PDE11A: variants seen among roughly 807,000 people sequenced by gnomAD.
PDE11A encodes dual 3',5'-cyclic-AMP and -GMP phosphodiesterase 11A.
Under a neutral mutation model 100.5 loss-of-function variants are expected in PDE11A, and 100 were observed. The ratio of observed to expected loss-of-function variants is 1.00; its 90% CI spans 0.85 to 1.18. The LOEUF (loss-of-function observed/expected upper bound fraction) is 1.18. Among genes scored for constraint, PDE11A ranks in the 50% most tolerant of loss-of-function variants. The pLI, the probability that PDE11A is intolerant of heterozygous loss-of-function variation, is 0.00. For missense variants in PDE11A, 1,141 were observed against 1,152.6 expected (o/e 0.99, Z 0.15); for synonymous variants, 381 against 420.8 (o/e 0.91, Z 1.16).
intron 9 of PDE11A, among the ~76,000 whole-genome samples, chr2:177,795,372 A>G (rs2082691112): frequency 6.6e-6 from 1 of 152,208 alleles, no homozygotes; most frequent in African/African-American, 2.4e-5. Context: ...CTCTGGGCCC[A>G]ACACCTGAGC....
chr2:177,782,367 A>T (rs1464009436), intron 9 of PDE11A, among the ~76,000 whole-genome samples: 1 of 152,192 alleles, frequency 6.6e-6, no homozygotes, highest in Non-Finnish European at 1.5e-5. Context: ...AAAAGTGGTT[A>T]AAAAGCAATA....
chr2:177,927,844 C>T (rs1328599674), intron 2 of PDE11A, among the ~76,000 whole-genome samples: 1 of 152,080 alleles, frequency 6.6e-6, no homozygotes, highest in East Asian at 1.9e-4. Flanking sequence ...GTGGCTCATG[C>T]CTGTAATCCC....
intron 1 of PDE11A, among the ~76,000 whole-genome samples, chr2:178,052,207 A>T (rs1391622858): frequency 6.6e-6 from 1 of 152,296 alleles, no homozygotes; most frequent in East Asian, 1.9e-4. Context: ...GGATTAAGAA[A>T]CTCACTCAAA....
intron 9 of PDE11A, among the ~76,000 whole-genome samples, chr2:177,810,036 TG>T (rs1292792291): frequency 6.6e-6 from 1 of 152,134 alleles, no homozygotes; most frequent in African/African-American, 2.4e-5. Flanking sequence ...ATATATCCCA[TG>T]GAAGATGGTA....
intron 9 of PDE11A, among the ~76,000 whole-genome samples, chr2:177,802,440 A>T (rs1394040780): frequency 6.6e-6 from 1 of 152,100 alleles, no homozygotes; most frequent in Non-Finnish European, 1.5e-5. Context: ...ACAGCCCCAA[A>T]ATGGAAATAG....
intron 2 of PDE11A, among the ~76,000 whole-genome samples, chr2:177,993,373 T>TTTA (rs1553498357): frequency 1.3e-5 from 2 of 150,568 alleles, no homozygotes; most frequent in Non-Finnish European, 3.0e-5. Context: ...TTCTTCTTTT[T>TTTA]AAAAAAAAAA....
At chr2:177,824,308 T>G (rs2083193627) in intron 6 of PDE11A, among the ~76,000 whole-genome samples, 1 of 152,212 alleles carries the variant, frequency 6.6e-6, no homozygotes, top group South Asian at 2.1e-4. Context: ...TCCTCTGGGT[T>G]AATTGCATGG....
At chr2:177,709,134 A>G (rs567742714) in intron 13 of PDE11A, among the ~76,000 whole-genome samples, 10 of 152,332 alleles carry the variant, frequency 6.6e-5, no homozygotes, top group Admixed American at 3.3e-4. Flanking sequence ...GCACTGGGCC[A>G]GGGAAATGGG....
At chr2:177,764,384 A>G (rs2082211775) in intron 10 of PDE11A, among the ~76,000 whole-genome samples, 1 of 152,202 alleles carries the variant, frequency 6.6e-6, no homozygotes. Flanking sequence ...GCAGTGCTCA[A>G]TTGAAGGAAG....
intron 10 of PDE11A, among the ~76,000 whole-genome samples, chr2:177,737,815 G>A (rs1022834974): frequency 2.6e-5 from 4 of 152,202 alleles, no homozygotes; most frequent in African/African-American, 7.2e-5. Flanking sequence ...ACAAGGATAG[G>A]AATTACGTCT....
chr2:178,060,776 A>G (rs2086958553), intron 1 of PDE11A, among the ~76,000 whole-genome samples: 1 of 152,080 alleles, frequency 6.6e-6, no homozygotes, highest in Admixed American at 6.6e-5. Context: ...ATAATATATC[A>G]TAATTGATTC....
At chr2:177,968,741 T>C (rs957336394) in intron 2 of PDE11A, among the ~76,000 whole-genome samples, 3 of 152,180 alleles carry the variant, frequency 2.0e-5, no homozygotes, top group Non-Finnish European at 1.5e-5. Context: ...CCATTTAGAA[T>C]GGCAATTATT....
chr2:177,864,825 G>A (rs1574230299), intron 5 of PDE11A, among the ~76,000 whole-genome samples: 1 of 152,120 alleles, frequency 6.6e-6, no homozygotes, highest in East Asian at 1.9e-4. Context: ...GTACACACGA[G>A]GGATGCCATA....
intron 2 of PDE11A, among the ~76,000 whole-genome samples, chr2:178,088,486 A>T (rs938812232): frequency 3.3e-5 from 5 of 152,238 alleles, no homozygotes; most frequent in Non-Finnish European, 7.3e-5. Context: ...AAATTTTAAG[A>T]ATGCAGGATC....
At chr2:177,849,959 C>T (rs191975148) in intron 5 of PDE11A, among the ~76,000 whole-genome samples, 1 of 152,260 alleles carries the variant, frequency 6.6e-6, no homozygotes, top group East Asian at 1.9e-4. Context: ...GCCATACTGC[C>T]CAAGGTAATT....
chr2:177,719,404 G>A (rs1407775887), intron 12 of PDE11A, among the ~76,000 whole-genome samples: 2 of 152,146 alleles, frequency 1.3e-5, no homozygotes, highest in African/African-American at 2.4e-5. Context: ...GGATTCTGAT[G>A]TCCAGGCACT....
In PDE11A at chr2:178,046,741, A is replaced by G. The variant is rs560598530; in HGVS notation, c.912+24785T>C. Among the ~76,000 whole-genome samples, 5 of 152,294 alleles carry G rather than the reference A, an allele frequency of 3.3e-5. No homozygotes were observed. In the South Asian group the frequency reaches 6.2e-4, roughly 19 times the overall value. Reference sequence around the variant, plus strand: ...AGATTCTCTTTACTCTTCTCGGTCAATGTAACTATCCTGGGTCCAATTATT... The same window carrying G: ...AGATTCTCTTTACTCTTCTCGGTCAGTGTAACTATCCTGGGTCCAATTATT... On this transcript the variant is annotated intron_variant, in intron 1 of 19. Coordinates refer to ENST00000286063, the MANE Select transcript of PDE11A (RefSeq NM_016953.4).
At chr2:178,045,530 G>C (rs755816524) in intron 1 of PDE11A, among the ~76,000 whole-genome samples, 41 of 152,146 alleles carry the variant, frequency 2.7e-4, no homozygotes, top group Non-Finnish European at 3.2e-4. Context: ...AGCAGTTTGT[G>C]GTGGTTAAGA....
rs181581706 is a variant in PDE11A at position 177,768,725 on chromosome 2, G to A, written c.1788+598C>T. ...GAGTTGAAAGGGGATCACTCTGTGC[G>A]GTAGTGAAGCATGGTGGTTAAGAAC... On this transcript the variant is annotated intron_variant, in intron 10 of 19. Coordinates refer to ENST00000286063, the MANE Select transcript of PDE11A (RefSeq NM_016953.4). 4.0e-4 allele frequency among the ~76,000 whole-genome samples: 61 copies of A among 152,278 alleles called. 2 individuals carry two copies. The highest frequency in any genetic ancestry group is 1.2e-4 in the Non-Finnish European group (8 of 68,026).
Sources: allele counts gnomAD v4.1 joint callset (sites outside exome capture counted in the v4.1 genomes callset), GRCh38; gene constraint gnomAD v4.1.1; transcripts MANE v1.5; gene names NCBI Gene and HGNC (gene_info 2026-07-23, HGNC 2026-07-21).